Variants in CHCHD7 observed in about 807,000 individuals in gnomAD.
The protein encoded by CHCHD7 is coiled-coil-helix-coiled-coil-helix domain-containing protein 7.
In CHCHD7, 7 loss-of-function variants were observed where a neutral mutation model predicts 10.5. The observed-to-expected ratio is 0.67, with a 90% CI of 0.38 to 1.25. The LOEUF (loss-of-function observed/expected upper bound fraction) is 1.25, where lower values mean the gene tolerates loss of function less well. CHCHD7 is among the 50% of genes most tolerant of loss of function. The probability of loss-of-function intolerance (pLI) is 0.02; values close to 1 mark genes in which losing one functional copy is unlikely to be tolerated. For synonymous variants in CHCHD7, 40 were observed against 36.0 expected (o/e 1.11, Z -0.40); for missense variants, 100 against 104.5 (o/e 0.96, Z 0.19).
In CHCHD7 at chr8:56,216,585, T is replaced by C. The variant is rs760680423; in HGVS notation, c.153+54T>C. 3 of 1,595,322 alleles carry C rather than the reference T, an allele frequency of 1.9e-6. No homozygotes were observed. In the South Asian group the frequency reaches 3.3e-5, roughly 18 times the overall value. Reference sequence around the variant, plus strand: ...AAAACCCATCTCCTAGGGTTGAAACTGAAGCCTAAAATTAGTCAGTACCCA... The same window carrying C: ...AAAACCCATCTCCTAGGGTTGAAACCGAAGCCTAAAATTAGTCAGTACCCA... On this transcript the variant is annotated intron_variant, in intron 3 of 3. Coordinates refer to ENST00000355315, the MANE Select transcript of CHCHD7 (RefSeq NM_001011671.3).
At chr8:56,216,039 G>A (rs1813325451) in intron 2 of CHCHD7, among the ~76,000 whole-genome samples, 1 of 152,238 alleles carries the variant, frequency 6.6e-6, no homozygotes, top group Non-Finnish European at 1.5e-5. Flanking sequence ...TGAAGCCAAA[G>A]TGAAAATCTG....
At chr8:56,212,783 C>A in intron 1 of CHCHD7, 1 of 964,176 alleles carries the variant, frequency 1.0e-6, no homozygotes, top group Non-Finnish European at 1.7e-6. Context: ...GGAACTCATG[C>A]AAAGGAGGGG....
At chr8:56,214,487 A>G in intron 1 of CHCHD7, 111 bp from the exon 2 acceptor site, 1 of 693,108 alleles carries the variant, frequency 1.4e-6, no homozygotes, top group Non-Finnish European at 2.5e-6. Context: ...TTCCTCACTA[A>G]GTGATCATTA....
intron 1 of CHCHD7, chr8:56,212,878 A>C: frequency 6.2e-7 from 1 of 1,609,180 alleles, no homozygotes; most frequent in Non-Finnish European, 8.5e-7. Flanking sequence ...TCATGCACCA[A>C]ACTCGAACTG....
intron 1 of CHCHD7, chr8:56,213,173 T>C (rs934986361): frequency 2.0e-5 from 6 of 303,898 alleles, no homozygotes; most frequent in Non-Finnish European, 3.6e-5. Flanking sequence ...AGCTTGTAGA[T>C]ATAATTGAAC....
chr8:56,217,310 T>C, intron 3 of CHCHD7, 21 bp from the exon 4 acceptor site: 1 of 1,478,516 alleles, frequency 6.8e-7, no homozygotes, highest in Non-Finnish European at 9.4e-7. Context: ...TCTTCTTTTT[T>C]ATTTTAATGC....
At chr8:56,212,343 ACGGCACGGCGTGT>A (rs1470873082) in intron 1 of CHCHD7, 1 of 153,308 alleles carries the variant, frequency 6.5e-6, no homozygotes, top group Non-Finnish European at 1.5e-5. Context: ...CAGTGGGTTA[ACGGCACGGCGTGT>A]GCAGCTTCCG....
chr8:56,217,391 G>A lies in CHCHD7; in HGVS notation c.214G>A (p.Glu72Lys). ...GVKPFMPTAA[E>K]RDEILRAVGN... ...GAAGCCATTTATGCCTACGGCAGCA[G>A]AAAGAGATGAAATCTTGAGAGCAGT... Residue 72 changes from glutamate (E) to lysine (K), a missense_variant, in exon 4 of 4, where the codon GAA (glutamate) becomes AAA (lysine). By Grantham distance (56) the Glu-to-Lys change is moderately conservative. Coordinates refer to ENST00000355315, the MANE Select transcript of CHCHD7 (RefSeq NM_001011671.3). 1 of 1,611,980 alleles carries A rather than the reference G, an allele frequency of 6.2e-7. No homozygotes were observed. Among genetic ancestry groups the A allele is most frequent in the Non-Finnish European group, 8.5e-7 (1 of 1,178,020 alleles).
In CHCHD7 at chr8:56,214,670, A is replaced by G. The variant is rs1262392336; in HGVS notation, c.54+3A>G. 1.9e-6 allele frequency: 3 copies of G among 1,612,878 alleles called. No homozygotes were observed. Among genetic ancestry groups the G allele is most frequent in the Non-Finnish European group, 2.5e-6 (3 of 1,179,056 alleles). On this transcript the variant is annotated splice_donor_region_variant and intron_variant, in intron 2 of 3. Transcript: ENST00000355315. Reference sequence around the variant, plus strand: ...CTGACATAAATCCTTGTTTGTCGGTAGGATGGTTTGCTTTAATTTTCATGA... The same window carrying G: ...CTGACATAAATCCTTGTTTGTCGGTGGGATGGTTTGCTTTAATTTTCATGA...
chr8:56,217,264 A>G (rs1813402966), intron 3 of CHCHD7, 67 bp from the exon 4 acceptor site: 1 of 890,644 alleles, frequency 1.1e-6, no homozygotes, highest in Non-Finnish European at 1.7e-6. Flanking sequence ...AATTACTGGC[A>G]AATGATTAGC....
chr8:56,217,067 TTTTGTAC>T (rs1186706747), intron 3 of CHCHD7, among the ~76,000 whole-genome samples: 4 of 152,254 alleles, frequency 2.6e-5, no homozygotes, highest in East Asian at 1.9e-4. Flanking sequence ...CTGTATATAC[TTTTGTAC>T]TTTGTACTTT....
intron 2 of CHCHD7, chr8:56,215,008 C>T (rs1415507264): frequency 5.1e-6 from 1 of 196,704 alleles, no homozygotes; most frequent in Non-Finnish European, 1.1e-5. Flanking sequence ...TATTGTTTCA[C>T]TAGCAATAAT....
intron 1 of CHCHD7, 146 bp from the exon 2 acceptor site, chr8:56,214,452 C>T: frequency 1.9e-6 from 1 of 534,810 alleles, no homozygotes. Context: ...AGTTTTTATT[C>T]ACAAAGTACA....
chr8:56,215,732 C>G, intron 2 of CHCHD7, among the ~76,000 whole-genome samples: 1 of 152,172 alleles, frequency 6.6e-6, no homozygotes, highest in Non-Finnish European at 1.5e-5. Flanking sequence ...TTTAGGTGAC[C>G]TCACAGAATC....
At chr8:56,214,874 T>C (rs1813251469) in intron 2 of CHCHD7, 2 of 457,604 alleles carry the variant, frequency 4.4e-6, no homozygotes, top group Non-Finnish European at 7.9e-6. Flanking sequence ...GTTTTCCTTA[T>C]TTGTATAATA....
rs1256197886 is a variant in CHCHD7, at chr8:56,217,518, C to T, written c.*83C>T. The T allele has an allele frequency of 1.2e-6, 1 of 823,776 alleles. No homozygotes were observed. The highest frequency in any genetic ancestry group is 1.6e-5 in the South Asian group (1 of 63,666). The allele number at this position is 823,776 out of a possible 1,614,324, so 51.0% of individuals were successfully genotyped here. A position where few individuals can be genotyped will look rare whatever the true frequency, so the allele number is the denominator to read the frequency against. ...GATTGCTGTAATATTTAAGACTGTACACCCCTCACCCAGACAGACCTTAAG... is the reference window on the plus strand; with the variant it reads ...GATTGCTGTAATATTTAAGACTGTATACCCCTCACCCAGACAGACCTTAAG... On this transcript the variant is annotated 3_prime_UTR_variant, in exon 4 of 4. Coordinates refer to ENST00000355315, the MANE Select transcript of CHCHD7 (RefSeq NM_001011671.3).
rs934239648 is a variant in CHCHD7, at chr8:56,213,131, T to A, written c.-17+1294T>A. ...TCATCTCTCTTAGGAAGAAGGGAAG[T>A]GTGGAAAAAAATTGTCTTCAGGAGA... is the stretch of plus-strand genomic sequence containing the variant. On this transcript the variant is annotated intron_variant, in intron 1 of 3. Transcript: ENST00000355315. The A allele has an allele frequency of 1.4e-5, 5 of 359,104 alleles. No individual in the cohort carries two copies. In the Admixed American group the frequency reaches 1.9e-4, roughly 13 times the overall value. 22.2% of individuals were successfully genotyped at this position (359,104 alleles called of 1,614,324 possible).
At position 56,218,127 on chromosome 8, in the gene CHCHD7, G is replaced by A; in HGVS notation, c.*692G>A. ...GATTAAAATCCTTAAATATTGGGTT[G>A]CCTTCTGCAGCTGTAGTATCAGTTT... On this transcript the variant is annotated 3_prime_UTR_variant, in exon 4 of 4. Transcript: ENST00000355315. 1 of 227,794 alleles carries A rather than the reference G, an allele frequency of 4.4e-6. No homozygotes were observed. Among genetic ancestry groups the A allele is most frequent in the Non-Finnish European group, 8.7e-6 (1 of 114,732 alleles). The allele number at this position is 227,794 out of a possible 1,614,324, so 14.1% of individuals were successfully genotyped here. A position where few individuals can be genotyped will look rare whatever the true frequency, so the allele number is the denominator to read the frequency against.
Position 56,216,459 on chromosome 8 carries a change from G to A in CHCHD7, c.81G>A (p.Leu27=), listed in dbSNP as rs765093384. The A allele has an allele frequency of 2.1e-5, 34 of 1,614,000 alleles. No individual in the cohort carries two copies. In the South Asian group the frequency reaches 3.4e-4, roughly 16 times the overall value. ...AATCTGATGCTTCCACCAGATGTCT[G>A]GATGAAAATAACTATGACAGGGAAA... ...LSESDASTRC[L]DENNYDRERC... Residue 27 remains leucine (L), a synonymous_variant, in exon 3 of 4, where the codon CTG becomes CTA. Transcript: ENST00000355315.
Sources: allele counts gnomAD v4.1 joint callset (sites outside exome capture counted in the v4.1 genomes callset), GRCh38; gene constraint gnomAD v4.1.1; transcripts MANE v1.5; gene names NCBI Gene and HGNC (gene_info 2026-07-23, HGNC 2026-07-21).